The following NT5C1B variants were observed in gnomAD, a reference collection of about 807,000 sequenced individuals.
The protein encoded by NT5C1B is cytosolic 5'-nucleotidase 1B.
Under a neutral mutation model 57.8 loss-of-function variants are expected in NT5C1B, and 44 were observed. The observed-to-expected ratio is 0.76, with a 90% CI of 0.60 to 0.98. NT5C1B has a LOEUF of 0.98. NT5C1B is among the 50% of genes least tolerant of loss of function. The pLI is 0.00. For missense variants in NT5C1B, 742 were observed against 719.5 expected, an observed-to-expected ratio of 1.03 and a Z score of -0.36; for synonymous variants, 284 against 282.6, an observed-to-expected ratio of 1.00 and a Z score of -0.05.
At position 18,584,114 on chromosome 2, in the gene NT5C1B, G is replaced by C; in HGVS notation, c.865C>G (p.Pro289Ala). The C allele has an allele frequency of 6.2e-7, 1 of 1,614,148 alleles. No homozygotes were observed. Among genetic ancestry groups the C allele is most frequent in the South Asian group, 1.1e-5 (1 of 91,076 alleles). The stretch of plus-strand genomic sequence containing the variant: ...TTGACGAAGCGGAACGCCGGGCCCG[G>C]GGTCAGGATGACGTTCTCATTGGTG... Residue 289 changes from proline to alanine, a missense_variant, in exon 5 of 9, where the codon CCG (proline) becomes GCG (alanine). Transcript: ENST00000304081. The surrounding 1 kb of genome is among the most constrained non-coding windows in gnomAD (Gnocchi z 5.8).
At chr2:18,587,513 A>G (rs1421542239) in exon 2 of NT5C1B, 1 of 1,613,896 alleles carries the variant, frequency 6.2e-7, no homozygotes, top group Non-Finnish European at 8.5e-7. Context: ...CTGATTGCTC[A>G]GACGAACTCC....
At chr2:18,578,636 C>T (rs1341328639) in intron 6 of NT5C1B, among the ~76,000 whole-genome samples, 1 of 151,942 alleles carries the variant, frequency 6.6e-6, no homozygotes, top group Non-Finnish European at 1.5e-5. Flanking sequence ...CAAAAAAACC[C>T]TCAGCATCAA....
intron 8 of NT5C1B, among the ~76,000 whole-genome samples, chr2:18,573,655 T>C: frequency 6.6e-6 from 1 of 152,060 alleles, no homozygotes; most frequent in East Asian, 1.9e-4. Flanking sequence ...ACCTCTTCCA[T>C]TTGACAAAAT....
At chr2:18,576,120 T>C (rs1023886667) in intron 8 of NT5C1B, 64 bp downstream of exon 8, 25 of 1,454,204 alleles carry the variant, frequency 1.7e-5, no homozygotes, top group South Asian at 8.9e-5. Flanking sequence ...TGGACCAATA[T>C]TGATATTTAT....
intron 6 of NT5C1B, among the ~76,000 whole-genome samples, chr2:18,580,031 A>G (rs1391828485): frequency 2.0e-5 from 3 of 152,202 alleles, no homozygotes; most frequent in Middle Eastern, 3.2e-3. Flanking sequence ...CGTATGAAAA[A>G]AATGCTTAAC....
intron 6 of NT5C1B, among the ~76,000 whole-genome samples, chr2:18,579,123 G>A (rs1240434677): frequency 2.6e-5 from 4 of 151,550 alleles, no homozygotes; most frequent in South Asian, 2.1e-4. Flanking sequence ...AAAACACTGC[G>A]GAAAAAAAAT....
In NT5C1B at chr2:18,585,054, A is replaced by G. The variant is rs559055938; in HGVS notation, c.259-76T>C. The G allele has an allele frequency of 8.7e-5, 137 of 1,577,922 alleles. No homozygotes were observed. In the African/African-American group the frequency reaches 1.5e-3, roughly 18 times the overall value. ...GGTCAAGGATCTGTCCCTTCTGCCT[A>G]TTCCATTCCTAGACCTTTGATGGGT... On this transcript the variant is annotated intron_variant, in intron 3 of 8. Coordinates refer to ENST00000304081, the Ensembl canonical transcript of NT5C1B.
chr2:18,587,819 T>A (rs2148188135), intron 1 of NT5C1B, among the ~76,000 whole-genome samples: 1 of 152,336 alleles, frequency 6.6e-6, no homozygotes, highest in Admixed American at 6.5e-5. Context: ...AGAAATTTGT[T>A]GGTTCATAGA....
At chr2:18,571,169 G>A (rs1665117823) in intron 8 of NT5C1B, among the ~76,000 whole-genome samples, 1 of 152,162 alleles carries the variant, frequency 6.6e-6, no homozygotes. Flanking sequence ...TGTACTGGAT[G>A]TACTAGCAAG....
exon 8 of NT5C1B, chr2:18,576,306 G>A (rs1432930145): frequency 2.1e-5 from 34 of 1,613,768 alleles, no homozygotes; most frequent in East Asian, 1.3e-4. Context: ...AAGGCTACAC[G>A]GAGCTGAGTG....
chr2:18,566,990 G>A (rs1558366827), intron 8 of NT5C1B, among the ~76,000 whole-genome samples: 1 of 152,188 alleles, frequency 6.6e-6, no homozygotes, highest in Non-Finnish European at 1.5e-5. Flanking sequence ...ATACAAGCAA[G>A]TACAAGCAAT....
At position 18,587,099 on chromosome 2, in the gene NT5C1B, G is replaced by C. The variant is rs1411158937; in HGVS notation, c.120+404C>G. ...GGGCTGTTCCCTCAGCTGCACAAAG[G>C]CAGCGTCTACACGACGAGTGACCCT... On this transcript the variant is annotated intron_variant, in intron 2 of 8. Coordinates refer to ENST00000304081, the Ensembl canonical transcript of NT5C1B. The C allele has an allele frequency of 1.1e-5, 17 of 1,613,862 alleles. No homozygotes were observed. The highest frequency in any genetic ancestry group is 4.4e-5 in the South Asian group (4 of 91,052).
exon 8 of NT5C1B, chr2:18,576,299 G>T (rs1470161841): frequency 1.2e-6 from 2 of 1,613,770 alleles, no homozygotes; most frequent in South Asian, 1.1e-5. Context: ...CCCATCAAAG[G>T]CTACACGGAG....
At chr2:18,586,541 C>T (rs1217922827) in intron 2 of NT5C1B, 150 bp from the exon 3 acceptor site, 2 of 1,187,056 alleles carry the variant, frequency 1.7e-6, no homozygotes, top group African/African-American at 3.1e-5. Context: ...AACCTGAACT[C>T]TTCTGTACTA....
At chr2:18,586,205 C>G in intron 3 of NT5C1B, 49 bp downstream of exon 3, 2 of 1,594,824 alleles carry the variant, frequency 1.3e-6, no homozygotes, top group South Asian at 1.1e-5. Context: ...AAATGTTAAC[C>G]ATTGTTATTA....
At chr2:18,572,746 T>G (rs1257051845) in intron 8 of NT5C1B, among the ~76,000 whole-genome samples, 2 of 152,176 alleles carry the variant, frequency 1.3e-5, no homozygotes, top group Non-Finnish European at 2.9e-5. Flanking sequence ...GATAATTTTT[T>G]TATCAACACT....
rs1667000142 is a variant in NT5C1B at position 18,589,429 on chromosome 2, G to T, written c.30+10C>A. The T allele has an allele frequency of 1.9e-6, 3 of 1,613,870 alleles. No individual in the cohort carries two copies. The highest frequency in any genetic ancestry group is 1.7e-5 in the Admixed American group (1 of 59,992). On this transcript the variant is annotated intron_variant, in intron 1 of 8. Coordinates refer to ENST00000304081, the Ensembl canonical transcript of NT5C1B. ...CCATGGCAAGATTCTAAGACACTCG[G>T]TTCACTCACCTTTTTCTGTTTGAGA...
At chr2:18,575,852 GA>G (rs1331645704) in intron 8 of NT5C1B, among the ~76,000 whole-genome samples, 2 of 152,128 alleles carry the variant, frequency 1.3e-5, no homozygotes, top group Non-Finnish European at 2.9e-5. Context: ...ACTATTTTGA[GA>G]ATTTATTATG....
intron 8 of NT5C1B, among the ~76,000 whole-genome samples, chr2:18,567,227 G>T (rs1230992654): frequency 6.6e-6 from 1 of 152,156 alleles, no homozygotes; most frequent in Non-Finnish European, 1.5e-5. Flanking sequence ...TGGGGGCAAA[G>T]ACTAAAACTC....
Sources: gnomAD v4.1 joint callset for allele counts (sites outside exome capture counted in the v4.1 genomes callset) on GRCh38, gnomAD v4.1.1 for gene constraint, Gnocchi (gnomAD v3.1) non-coding constraint, MANE v1.5 for transcripts, NCBI Gene and HGNC (gene_info 2026-07-23, HGNC 2026-07-21) for gene names.